CEP41: variants seen among roughly 807,000 people sequenced by gnomAD.
The protein encoded by CEP41 is centrosomal protein of 41 kDa.
CEP41 carries 32 observed loss-of-function variants against 44.3 expected under a neutral mutation model. The ratio of observed to expected loss-of-function variants is 0.72; its 90% confidence interval spans 0.54 to 0.97. The LOEUF (loss-of-function observed/expected upper bound fraction) is 0.97. Among genes scored for constraint, CEP41 ranks in the 50% least tolerant of loss-of-function variants. The pLI, the probability that CEP41 is intolerant of heterozygous loss-of-function variation, is 0.00. For synonymous variants in CEP41, 151 were observed against 168.5 expected (o/e 0.90, Z 0.80); for missense variants, 432 against 455.2 (o/e 0.95, Z 0.46).
intron 2 of CEP41, chr7:130,418,914 T>C (rs554330751): frequency 6.5e-6 from 1 of 152,866 alleles, no homozygotes; most frequent in East Asian, 1.9e-4. Context: ...ATCCAGTCTT[T>C]ATTATTGAAA....
intron 1 of CEP41, among the ~76,000 whole-genome samples, chr7:130,440,209 C>T (rs1214582922): frequency 6.6e-6 from 1 of 151,986 alleles, no homozygotes; most frequent in Non-Finnish European, 1.5e-5. Flanking sequence ...TTAGTAGAGA[C>T]GGGGTTTCGC....
At chr7:130,437,132 G>A (rs1444766638) in intron 1 of CEP41, among the ~76,000 whole-genome samples, 1 of 152,100 alleles carries the variant, frequency 6.6e-6, no homozygotes, top group Non-Finnish European at 1.5e-5. Flanking sequence ...CCCAAAGGGA[G>A]CAGAAAGACA....
Position 130,393,856 on chromosome 7 carries a change from T to C in CEP41, c.*5035A>G, listed in dbSNP as rs1554413377. ...TTCCCCCTACAATATAATTAAAAGT[T>C]TGTAATTCTCATTCCTTAAGTGGTA... is the stretch of plus-strand genomic sequence containing the variant. On this transcript the variant is annotated 3_prime_UTR_variant, in exon 11 of 11. Coordinates refer to ENST00000223208, the MANE Select transcript of CEP41 (RefSeq NM_018718.3). 2.2e-6 allele frequency: 1 copy of C among 454,144 alleles called. No individual in the cohort carries two copies. The highest frequency in any genetic ancestry group is 4.4e-6 in the Non-Finnish European group (1 of 226,798). 28.1% of individuals were successfully genotyped at this position (454,144 alleles called of 1,614,324 possible).
At chr7:130,427,480 T>C (rs914867137) in intron 2 of CEP41, among the ~76,000 whole-genome samples, 5 of 152,072 alleles carry the variant, frequency 3.3e-5, no homozygotes, top group African/African-American at 9.7e-5. Flanking sequence ...CTAAACTCTT[T>C]AACTAAAAAA....
chr7:130,410,771 T>C (rs531883589), intron 5 of CEP41: 3 of 349,054 alleles, frequency 8.6e-6, no homozygotes, highest in South Asian at 5.5e-5. Context: ...CACATGTGAC[T>C]GTCAATTTCA....
chr7:130,396,744 C>T lies in CEP41; in HGVS notation c.*2147G>A, dbSNP rs142046946. On this transcript the variant is annotated 3_prime_UTR_variant, in exon 11 of 11. Coordinates refer to ENST00000223208, the MANE Select transcript of CEP41 (RefSeq NM_018718.3). ...TCTTTTGAGCATGGTTATTTAAAAT[C>T]CTTACCAACAGGGCAAAGCAAGCAC... The T allele has an allele frequency of 2.2e-6, 1 of 454,346 alleles. No individual in the cohort carries two copies. The highest frequency in any genetic ancestry group is 4.4e-6 in the Non-Finnish European group (1 of 226,786). The allele number at this position is 454,346 out of a possible 1,614,324, so 28.1% of individuals were successfully genotyped here.
At chr7:130,417,853 G>A (rs1554421192) in intron 2 of CEP41, among the ~76,000 whole-genome samples, 1 of 152,176 alleles carries the variant, frequency 6.6e-6, no homozygotes, top group South Asian at 2.1e-4. Context: ...AGCCTGGAGA[G>A]GATCTAGTCA....
upstream of CEP41, chr7:130,441,128 T>G (rs1554427757): frequency 2.6e-6 from 2 of 773,536 alleles, no homozygotes; most frequent in South Asian, 2.9e-5. Context: ...CTCTCTCATC[T>G]CAGGGTCGCA....
chr7:130,435,552 C>T (rs1554425990), intron 1 of CEP41, among the ~76,000 whole-genome samples: 1 of 152,158 alleles, frequency 6.6e-6, no homozygotes, highest in East Asian at 1.9e-4. Flanking sequence ...CACTACACAT[C>T]TATTATAAAC....
In CEP41 at chr7:130,396,544, T is replaced by C. The variant is rs1443191163; in HGVS notation, c.*2347A>G. On this transcript the variant is annotated 3_prime_UTR_variant, in exon 11 of 11. Coordinates refer to ENST00000223208, the MANE Select transcript of CEP41 (RefSeq NM_018718.3). ...ATAGCAAACGACAAATTAGTAACTATGTACTTTAATCTTCAACATTCATAA... is the reference window on the plus strand; with the variant it reads ...ATAGCAAACGACAAATTAGTAACTACGTACTTTAATCTTCAACATTCATAA... 3 of 454,464 alleles carry C rather than the reference T, an allele frequency of 6.6e-6. No homozygotes were observed. Among genetic ancestry groups the C allele is most frequent in the Admixed American group, 4.7e-5 (2 of 42,550 alleles). The allele number at this position is 454,464 out of a possible 1,614,324, so 28.2% of individuals were successfully genotyped here. A position where few individuals can be genotyped will look rare whatever the true frequency, so the allele number is the denominator to read the frequency against.
intron 1 of CEP41, among the ~76,000 whole-genome samples, chr7:130,437,198 G>A (rs1381523929): frequency 2.0e-5 from 3 of 151,968 alleles, no homozygotes; most frequent in Non-Finnish European, 2.9e-5. Context: ...AGTCATATAG[G>A]TTATCTATAT....
intron 1 of CEP41, among the ~76,000 whole-genome samples, chr7:130,438,840 T>G (rs1294904743): frequency 1.3e-5 from 2 of 152,226 alleles, no homozygotes; most frequent in African/African-American, 4.8e-5. Context: ...ATCATAACTT[T>G]ATACATTTAT....
At chr7:130,420,048 G>A (rs2117640175) in intron 2 of CEP41, 2 of 985,426 alleles carry the variant, frequency 2.0e-6, no homozygotes, top group Non-Finnish European at 2.4e-6. Context: ...ATGGTCAGGT[G>A]CACTGGATCA....
chr7:130,419,461 G>C lies in CEP41; in HGVS notation c.98-2495C>G, dbSNP rs1797434314. 5 of 984,862 alleles carry C rather than the reference G, an allele frequency of 5.1e-6. No homozygotes were observed. The African/African-American group carries it at 7.0e-5, about 14-fold the overall frequency. 61.0% of individuals were successfully genotyped at this position (984,862 alleles called of 1,614,324 possible). On this transcript the variant is annotated intron_variant, in intron 2 of 10. Transcript: ENST00000223208. ...CTGTATCTAATTGCATCTGAAGATA[G>C]TTTCTGACTACCTTTTAAAAAGATT... is the stretch of plus-strand genomic sequence containing the variant.
chr7:130,421,904 C>A (rs550462780), intron 2 of CEP41: 14 of 1,531,378 alleles, frequency 9.1e-6, no homozygotes, highest in Non-Finnish European at 1.2e-5. Flanking sequence ...AAGAACCCTG[C>A]GGTGGTGACT....
chr7:130,411,646 A>G lies in CEP41; in HGVS notation c.208-455T>C, dbSNP rs1011261106. 4.6e-4 allele frequency among the ~76,000 whole-genome samples: 70 copies of G among 152,254 alleles called. 1 individual carries two copies. Among genetic ancestry groups the G allele is most frequent in the Non-Finnish European group, 1.2e-4 (8 of 68,040 alleles). On this transcript the variant is annotated intron_variant, in intron 4 of 10. Coordinates refer to ENST00000223208, the MANE Select transcript of CEP41 (RefSeq NM_018718.3). ...ACTTCTATACAGTATTCATTTTTAA[A>G]GCACTTTTCACAACTTAGCTCACAA...
chr7:130,439,219 TTAA>T lies in CEP41; in HGVS notation c.33+1712_33+1714del, dbSNP rs376993887. Among the ~76,000 whole-genome samples the T allele has an allele frequency of 2.2e-3, 341 of 152,354 alleles. 1 individual carries two copies. Among genetic ancestry groups the T allele is most frequent in the Non-Finnish European group, 3.9e-3 (265 of 68,038 alleles). ...ATATTTTCTCTTCCTTATGATTTTCTTAATAATAATCTTTCCTCCAGCTTACTT... is the reference window on the plus strand; with the variant it reads ...ATATTTTCTCTTCCTTATGATTTTCTTAATAATCTTTCCTCCAGCTTACTT... On this transcript the variant is annotated intron_variant, in intron 1 of 10. Coordinates refer to ENST00000223208, the MANE Select transcript of CEP41 (RefSeq NM_018718.3).
intron 2 of CEP41, 131 bp downstream of exon 2, chr7:130,427,824 A>G: frequency 1.5e-6 from 1 of 655,782 alleles, no homozygotes; most frequent in Non-Finnish European, 2.7e-6. Context: ...ATAAATCCTG[A>G]GCCGAGAAAG....
chr7:130,415,332 A>G (rs1797302450), intron 3 of CEP41, among the ~76,000 whole-genome samples: 1 of 152,224 alleles, frequency 6.6e-6, no homozygotes, highest in Non-Finnish European at 1.5e-5. Flanking sequence ...CCCAAATAAT[A>G]CTTACAACAG....
Sources: gnomAD v4.1 joint callset for allele counts (sites outside exome capture counted in the v4.1 genomes callset) on GRCh38, gnomAD v4.1.1 for gene constraint, MANE v1.5 for transcripts, NCBI Gene and HGNC (gene_info 2026-07-23, HGNC 2026-07-21) for gene names.